The following DENND2B variants were observed in gnomAD, a reference collection of about 807,000 sequenced individuals.
DENND2B encodes the protein DENN domain-containing protein 2B.
A neutral mutation model predicts 116.0 loss-of-function variants in DENND2B; 32 were observed. That is an observed-to-expected ratio of 0.28 (90% CI 0.21 to 0.37). The LOEUF (loss-of-function observed/expected upper bound fraction) is 0.37. Ranked by LOEUF, DENND2B falls within the 10% of genes least tolerant of loss-of-function variation. DENND2B has a pLI of 1.00. For synonymous variants in DENND2B, 588 were observed against 583.9 expected (o/e 1.01, Z -0.10); for missense variants, 1,276 against 1,477.7 (o/e 0.86, Z 2.24).
intron 1 of DENND2B, among the ~76,000 whole-genome samples, chr11:8,760,627 A>G (rs1004565351): frequency 5.3e-5 from 8 of 152,186 alleles, no homozygotes; most frequent in African/African-American, 1.9e-4. Flanking sequence ...GAAGAAAAAA[A>G]GAGAAGAGAA....
chr11:8,830,878 A>T (rs545207722), intron 4 of DENND2B: 1 of 152,316 alleles, frequency 6.6e-6, no homozygotes, highest in Non-Finnish European at 1.5e-5. Flanking sequence ...ACAGTGCCTG[A>T]CAGTAGTGGG....
In DENND2B at chr11:8,729,122, C is replaced by T. The variant is rs182239495; in HGVS notation, c.1340+828G>A. Among the ~76,000 whole-genome samples, 471 of 152,124 alleles carry T rather than the reference C, an allele frequency of 3.1e-3. 4 individuals are homozygous for T. The highest frequency in any genetic ancestry group is 0.011 in the African/African-American group (451 of 41,492). ...AAGTGTGGGGACAAACTAAAGAATC[C>T]CCAGAAGTGAAACAAACCTGAATAC... is the stretch of plus-strand genomic sequence containing the variant. On this transcript the variant is annotated intron_variant, in intron 3 of 19. Transcript: ENST00000313726.
intron 3 of DENND2B, among the ~76,000 whole-genome samples, chr11:8,844,874 A>G (rs1315266737): frequency 7.2e-5 from 11 of 152,184 alleles, no homozygotes; most frequent in African/African-American, 2.6e-4. Context: ...AGCTAGAACT[A>G]CAGATGCCCA....
At chr11:8,713,513 G>C (rs1442480354) in intron 8 of DENND2B, among the ~76,000 whole-genome samples, 2 of 151,990 alleles carry the variant, frequency 1.3e-5, no homozygotes, top group Non-Finnish European at 2.9e-5. Flanking sequence ...CCAAGTAGCT[G>C]GTATTACACG....
At chr11:8,797,803 C>T (rs1213957144) in intron 1 of DENND2B, among the ~76,000 whole-genome samples, 1 of 152,064 alleles carries the variant, frequency 6.6e-6, no homozygotes, top group Non-Finnish European at 1.5e-5. Flanking sequence ...CTCTCTCTCC[C>T]TCTCAAATTT....
At chr11:8,722,018 C>G (rs1410745247) in intron 4 of DENND2B, among the ~76,000 whole-genome samples, 1 of 152,238 alleles carries the variant, frequency 6.6e-6, no homozygotes, top group Admixed American at 6.5e-5. Flanking sequence ...GCTCAGAATG[C>G]AAACATAAGG....
rs2043968016 is a variant in DENND2B at position 8,712,605 on chromosome 11, C to G, written c.2118G>C (p.Lys706Asn). Residue 706 changes from lysine to asparagine, a missense_variant, in exon 9 of 20, where the codon AAG becomes AAC. Physicochemically the swap from Lys to Asn is moderately conservative, Grantham distance 94. This residue lies in a region of DENND2B where 420 missense variants were observed against 631.1 expected (regional missense o/e 0.67). Coordinates refer to ENST00000313726, the MANE Select transcript of DENND2B (RefSeq NM_213618.2). This position sits in a 1 kb window ranked among gnomAD's most constrained non-coding sequence, Gnocchi z 4.4. ...GGTAGGTGTTTCGCGATGGCTTCTT[C>G]TTGAGGGACACCACCACAAAGTACT... ...LFEYFVVVSLKKKPSRNTYLP... is the reference protein window; with the variant it reads ...LFEYFVVVSLNKKPSRNTYLP... 1 of 1,561,940 alleles carries G rather than the reference C, an allele frequency of 6.4e-7. No homozygotes were observed. The highest frequency in any genetic ancestry group is 8.7e-7 in the Non-Finnish European group (1 of 1,152,326).
intron 4 of DENND2B, among the ~76,000 whole-genome samples, chr11:8,823,988 C>T (rs1413165774): frequency 2.4e-4 from 36 of 151,236 alleles, no homozygotes; most frequent in African/African-American, 8.8e-4. Flanking sequence ...CTGCAACCTC[C>T]GCCTCCCGGG....
chr11:8,779,795 G>A (rs907739292), intron 1 of DENND2B, among the ~76,000 whole-genome samples: 2 of 152,136 alleles, frequency 1.3e-5, no homozygotes, highest in Admixed American at 6.5e-5. Flanking sequence ...GATTACAGGC[G>A]TGAGCCACCA....
intron 3 of DENND2B, among the ~76,000 whole-genome samples, chr11:8,839,672 A>G (rs1298570941): frequency 6.6e-6 from 1 of 152,162 alleles, no homozygotes; most frequent in Non-Finnish European, 1.5e-5. Flanking sequence ...AGTGGGGAAG[A>G]GGGAAGGAAA....
intron 2 of DENND2B, among the ~76,000 whole-genome samples, chr11:8,860,846 A>G (rs572728824): frequency 6.6e-6 from 1 of 152,332 alleles, no homozygotes; most frequent in East Asian, 1.9e-4. Context: ...AGATACACAG[A>G]CCAGTGAAAC....
At chr11:8,886,899 G>A (rs1010133714) in intron 1 of DENND2B, among the ~76,000 whole-genome samples, 1 of 152,086 alleles carries the variant, frequency 6.6e-6, no homozygotes, top group Non-Finnish European at 1.5e-5. Flanking sequence ...TGCAATCTTG[G>A]CTCACTGCAA....
In DENND2B at chr11:8,693,866, C is replaced by T. The variant is rs1446354067; in HGVS notation, c.*230G>A. ...AAGCACCCGGCCCCTTGGGAATATACAAATATTTGCCATATTCTCTTTGCT... is the reference window on the plus strand; with the variant it reads ...AAGCACCCGGCCCCTTGGGAATATATAAATATTTGCCATATTCTCTTTGCT... On this transcript the variant is annotated 3_prime_UTR_variant, in exon 20 of 20. Transcript: ENST00000313726. 2.0e-6 allele frequency: 1 copy of T among 493,754 alleles called. No individual in the cohort carries two copies. Among genetic ancestry groups the T allele is most frequent in the Non-Finnish European group, 3.6e-6 (1 of 279,524 alleles). 30.6% of individuals were successfully genotyped at this position (493,754 alleles called of 1,614,324 possible).
At chr11:8,894,501 T>C (rs1386691893) in intron 1 of DENND2B, among the ~76,000 whole-genome samples, 1 of 152,126 alleles carries the variant, frequency 6.6e-6, no homozygotes, top group Non-Finnish European at 1.5e-5. Flanking sequence ...CCTACTCATC[T>C]GACAAAGGGC....
At chr11:8,910,019 C>T (rs563233820) in intron 1 of DENND2B, 1 of 152,158 alleles carries the variant, frequency 6.6e-6, no homozygotes, top group East Asian at 1.9e-4. Context: ...CAGGTCCTTA[C>T]TTAAACATGG....
rs748630119 is a variant in DENND2B at position 8,776,183 on chromosome 11, CACA to C, written c.-25-25461_-25-25459del. On this transcript the variant is annotated intron_variant, in intron 1 of 19. Coordinates refer to ENST00000313726, the MANE Select transcript of DENND2B (RefSeq NM_213618.2). Reference sequence around the variant, plus strand: ...GCGCACACACACACACACACACACACACACCTACCTCTCTCCAGGCAGGACACC... The same window carrying C: ...GCGCACACACACACACACACACACACCCTACCTCTCTCCAGGCAGGACACC... The C allele has an allele frequency of 2.9e-3, 1,329 of 451,094 alleles. 7 individuals carry two copies. Among genetic ancestry groups the C allele is most frequent in the South Asian group, 4.9e-3 (314 of 64,170 alleles). The allele number at this position is 451,094 out of a possible 1,614,324, so 27.9% of individuals were successfully genotyped here.
intron 8 of DENND2B, among the ~76,000 whole-genome samples, chr11:8,713,587 A>G (rs981800632): frequency 4.6e-5 from 7 of 152,120 alleles, no homozygotes; most frequent in Admixed American, 3.3e-4. Context: ...TCACCATCTT[A>G]GCCAGGCTGG....
intron 4 of DENND2B, among the ~76,000 whole-genome samples, chr11:8,818,700 G>A (rs1301900702): frequency 6.6e-6 from 1 of 152,176 alleles, no homozygotes; most frequent in African/African-American, 2.4e-5. Flanking sequence ...CCTGCTAGCT[G>A]TAATATTCTT....
At chr11:8,891,267 T>A (rs563528974) in intron 1 of DENND2B, among the ~76,000 whole-genome samples, 7 of 152,290 alleles carry the variant, frequency 4.6e-5, no homozygotes, top group Non-Finnish European at 1.0e-4. Context: ...GAACAACCGG[T>A]ACCAGCCACT....
Sources: gnomAD v4.1 joint callset for allele counts (sites outside exome capture counted in the v4.1 genomes callset) on GRCh38, gnomAD v4.1.1 for gene constraint, gnomAD v4.1.1 regional missense constraint, Gnocchi (gnomAD v3.1) non-coding constraint, MANE v1.5 for transcripts, NCBI Gene and HGNC (gene_info 2026-07-23, HGNC 2026-07-21) for gene names.